PPARG: variants seen among roughly 807,000 people sequenced by gnomAD.
PPARG encodes peroxisome proliferator activated receptor gamma.
Under a neutral mutation model 39.2 loss-of-function variants are expected in PPARG, and 17 were observed. The observed-to-expected ratio is 0.43, with a 90% CI of 0.30 to 0.65. The LOEUF (loss-of-function observed/expected upper bound fraction) is 0.65, where lower values mean the gene tolerates loss of function less well. Ranked by LOEUF, PPARG falls within the 30% of genes least tolerant of loss-of-function variation. The pLI is 0.13. For synonymous variants in PPARG, 223 were observed against 215.7 expected (o/e 1.03, Z -0.30); for missense variants, 406 against 585.9 (o/e 0.69, Z 3.17).
intron 2 of PPARG, among the ~76,000 whole-genome samples, chr3:12,322,358 T>G (rs78048817): frequency 0.02 from 2,979 of 152,356 alleles, 103 homozygotes; most frequent in African/African-American, 0.065. Flanking sequence ...ACTACCTTTA[T>G]GTATGCAGCA....
chr3:12,349,541 G>T (rs1284704378), intron 2 of PPARG, among the ~76,000 whole-genome samples: 1 of 152,198 alleles, frequency 6.6e-6, no homozygotes, highest in Non-Finnish European at 1.5e-5. Context: ...GGCAGGCCCT[G>T]TGTTTATTAA....
At chr3:12,416,641 G>T (rs1019228924) in intron 6 of PPARG, 63 bp from the exon 7 acceptor site, 2 of 1,485,896 alleles carry the variant, frequency 1.3e-6, no homozygotes, top group Non-Finnish European at 1.9e-6. Flanking sequence ...CTGAACCTGG[G>T]ATGGCATTCA....
intron 4 of PPARG, among the ~76,000 whole-genome samples, chr3:12,389,820 C>T (rs1370947565): frequency 6.6e-6 from 1 of 152,124 alleles, no homozygotes; most frequent in Non-Finnish European, 1.5e-5. Flanking sequence ...TCGCTTGAAC[C>T]TGAGAGGTGA....
At chr3:12,394,222 A>T (rs941658899) in intron 5 of PPARG, among the ~76,000 whole-genome samples, 3 of 152,238 alleles carry the variant, frequency 2.0e-5, no homozygotes, top group Non-Finnish European at 4.4e-5. Flanking sequence ...CTAGGAAAGC[A>T]TGCCAGTTCC....
At position 12,342,761 on chromosome 3, in the gene PPARG, T is replaced by A. The variant is rs200642396; in HGVS notation, c.-9+30308T>A. ...GTCTGTATTTTCTAATTTTTAACAATGAACGCGGATTGGTTCTATAATAAT... is the reference window on the plus strand; with the variant it reads ...GTCTGTATTTTCTAATTTTTAACAAAGAACGCGGATTGGTTCTATAATAAT... On this transcript the variant is annotated intron_variant, in intron 2 of 7. Coordinates refer to ENST00000651735, the MANE Select transcript of PPARG (RefSeq NM_138711.6). Among the ~76,000 whole-genome samples the A allele has an allele frequency of 4.6e-5, 7 of 152,012 alleles. No homozygotes were observed. The East Asian group carries it at 1.4e-3, about 29-fold the overall frequency.
intron 2 of PPARG, 23 bp from the exon 3 acceptor site, chr3:12,379,681 A>G: frequency 6.3e-7 from 1 of 1,594,516 alleles, no homozygotes; most frequent in Non-Finnish European, 8.6e-7. Context: ...TTAACTTCAC[A>G]GCTAGTCTAT....
chr3:12,362,143 G>A (rs932811412), intron 2 of PPARG, among the ~76,000 whole-genome samples: 1 of 151,884 alleles, frequency 6.6e-6, no homozygotes, highest in Non-Finnish European at 1.5e-5. Context: ...AAATATAATT[G>A]GTTTTTGAAT....
chr3:12,341,671 T>C (rs2048187149), intron 2 of PPARG, among the ~76,000 whole-genome samples: 1 of 152,134 alleles, frequency 6.6e-6, no homozygotes, highest in Admixed American at 6.5e-5. Flanking sequence ...TAGTTGGGCA[T>C]TGTGGCACGC....
chr3:12,364,949 C>G (rs1374143537), intron 2 of PPARG, among the ~76,000 whole-genome samples: 1 of 152,142 alleles, frequency 6.6e-6, no homozygotes, highest in East Asian at 1.9e-4. Context: ...TCCTTTATCA[C>G]AGTAGTCCCT....
intron 2 of PPARG, among the ~76,000 whole-genome samples, chr3:12,337,988 A>G (rs2048062982): frequency 6.6e-6 from 1 of 152,110 alleles, no homozygotes; most frequent in South Asian, 2.1e-4. Context: ...CCTGGAACCA[A>G]TCCTTCATGA....
At chr3:12,407,393 C>T (rs1447179904) in intron 6 of PPARG, among the ~76,000 whole-genome samples, 1 of 152,082 alleles carries the variant, frequency 6.6e-6, no homozygotes, top group African/African-American at 2.4e-5. Context: ...GATCTCCTGA[C>T]CTCGTGATCT....
At position 12,375,681 on chromosome 3, in the gene PPARG, A is replaced by G. The variant is rs529175075; in HGVS notation, c.-8-4023A>G. 2.0e-4 allele frequency among the ~76,000 whole-genome samples: 30 copies of G among 152,334 alleles called. No individual in the cohort carries two copies. In the South Asian group the frequency reaches 2.1e-3, roughly 11 times the overall value. Reference sequence around the variant, plus strand: ...GTTAGACAGGTTTGGACGAATTTTGAAACAAAGGACACAGTTGGATGGGTG... The same window carrying G: ...GTTAGACAGGTTTGGACGAATTTTGGAACAAAGGACACAGTTGGATGGGTG... On this transcript the variant is annotated intron_variant, in intron 2 of 7. Coordinates refer to ENST00000651735, the MANE Select transcript of PPARG (RefSeq NM_138711.6).
chr3:12,308,088 T>C (rs1422540189), intron 1 of PPARG, among the ~76,000 whole-genome samples: 1 of 151,994 alleles, frequency 6.6e-6, no homozygotes, highest in Non-Finnish European at 1.5e-5. Context: ...TAGGAGGCCG[T>C]GCACAGTGAC....
At chr3:12,297,367 G>A (rs1424929490) in intron 1 of PPARG, among the ~76,000 whole-genome samples, 1 of 152,148 alleles carries the variant, frequency 6.6e-6, no homozygotes, top group Non-Finnish European at 1.5e-5. Flanking sequence ...TTATGTTACA[G>A]TAGTGAGATA....
At chr3:12,298,376 C>A in intron 1 of PPARG, among the ~76,000 whole-genome samples, 1 of 132,272 alleles carries the variant, frequency 7.6e-6, no homozygotes, top group Admixed American at 8.0e-5. Context: ...TCAGTGTGAA[C>A]ATTGTGAAAG....
chr3:12,304,909 ACT>A (rs913155998), intron 1 of PPARG, among the ~76,000 whole-genome samples: 11 of 152,130 alleles, frequency 7.2e-5, no homozygotes, highest in African/African-American at 2.4e-4. Context: ...ACTAATGACG[ACT>A]CTCTCTGATA....
At chr3:12,331,116 C>CT (rs1359395005) in intron 2 of PPARG, among the ~76,000 whole-genome samples, 2 of 152,114 alleles carry the variant, frequency 1.3e-5, no homozygotes, top group Admixed American at 6.6e-5. Flanking sequence ...TTCTTTGTTA[C>CT]TAGTGTGGAG....
intron 2 of PPARG, among the ~76,000 whole-genome samples, chr3:12,354,449 T>C (rs2048590194): frequency 6.8e-6 from 1 of 146,308 alleles, no homozygotes. Flanking sequence ...GAAGGCTCCG[T>C]TTAAAAAAAG....
At chr3:12,363,132 C>G (rs2048906396) in intron 2 of PPARG, among the ~76,000 whole-genome samples, 1 of 152,084 alleles carries the variant, frequency 6.6e-6, no homozygotes, top group African/African-American at 2.4e-5. Context: ...GTTGTCTAGG[C>G]TGGTCTTGAA....
Sources: allele counts gnomAD v4.1 joint callset (sites outside exome capture counted in the v4.1 genomes callset), GRCh38; gene constraint gnomAD v4.1.1; transcripts MANE v1.5; gene names NCBI Gene and HGNC (gene_info 2026-07-23, HGNC 2026-07-21).